The following APIP variants were observed in gnomAD, a reference collection of about 807,000 sequenced individuals.
APIP encodes the protein methylthioribulose-1-phosphate dehydratase.
In APIP, 32 loss-of-function variants were observed where a neutral mutation model predicts 32.0. That is an observed-to-expected ratio of 1.00 (90% CI 0.76 to 1.34). APIP has a LOEUF of 1.34. Among genes scored for constraint, APIP ranks in the 40% most tolerant of loss-of-function variants. The probability of loss-of-function intolerance (pLI) is 0.00; values close to 1 mark genes in which losing one functional copy is unlikely to be tolerated. For synonymous variants in APIP, 92 were observed against 94.8 expected, an observed-to-expected ratio of 0.97 and a Z score of 0.17; for missense variants, 247 against 298.6, an observed-to-expected ratio of 0.83 and a Z score of 1.27.
At chr11:34,885,995 C>T (rs144378958) in intron 5 of APIP, among the ~76,000 whole-genome samples, 174 of 152,214 alleles carry the variant, frequency 1.1e-3, no homozygotes, top group Non-Finnish European at 3.5e-4. Context: ...GTATGTAATA[C>T]GTGATGATAA....
intron 4 of APIP, 95 bp from the exon 5 acceptor site, chr11:34,888,523 T>C (rs916062953): frequency 2.0e-6 from 3 of 1,525,144 alleles, no homozygotes; most frequent in African/African-American, 2.8e-5. Context: ...TATTTACATA[T>C]GGTTATGGGC....
chr11:34,896,272 C>T (rs983152634), intron 1 of APIP, among the ~76,000 whole-genome samples: 2 of 152,166 alleles, frequency 1.3e-5, no homozygotes, highest in Non-Finnish European at 2.9e-5. Flanking sequence ...AAGACACATA[C>T]GTATGTTTAC....
chr11:34,899,234 A>T (rs1463878710), intron 1 of APIP, among the ~76,000 whole-genome samples: 1 of 151,622 alleles, frequency 6.6e-6, no homozygotes, highest in Non-Finnish European at 1.5e-5. Context: ...CATGAGGCAC[A>T]TTTTTTTTTC....
intron 5 of APIP, among the ~76,000 whole-genome samples, chr11:34,887,222 C>T (rs1341989017): frequency 6.6e-6 from 1 of 152,078 alleles, no homozygotes; most frequent in Non-Finnish European, 1.5e-5. Context: ...TGCCCTGTTC[C>T]TCTACCTTAC....
intron 1 of APIP, among the ~76,000 whole-genome samples, chr11:34,905,607 G>GT: frequency 6.6e-6 from 1 of 152,270 alleles, no homozygotes; most frequent in Non-Finnish European, 1.5e-5. Context: ...CTCAAATATT[G>GT]TAACATCATA....
chr11:34,894,267 T>A (rs1417968891), intron 2 of APIP, among the ~76,000 whole-genome samples: 2 of 152,184 alleles, frequency 1.3e-5, no homozygotes, highest in African/African-American at 4.8e-5. Flanking sequence ...GCAGGCACTA[T>A]ATTCATTAAT....
intron 1 of APIP, chr11:34,915,948 C>T (rs966253127): frequency 3.4e-5 from 19 of 556,492 alleles, no homozygotes; most frequent in Admixed American, 6.5e-5. Context: ...GGTGAGGTCA[C>T]CTAAACGCTC....
chr11:34,892,584 T>C (rs1406869670), intron 2 of APIP, among the ~76,000 whole-genome samples: 5 of 152,176 alleles, frequency 3.3e-5, no homozygotes, highest in Admixed American at 2.6e-4. Context: ...TAAATTTGAA[T>C]GATAGCGACC....
chr11:34,894,941 A>T lies in APIP; in HGVS notation c.158+69T>A. Reference sequence around the variant, plus strand: ...TGATCATCAGTTGTTCTTTGGATATAACACATTAGACTTGCTGTGGTCTAC... The same window carrying T: ...TGATCATCAGTTGTTCTTTGGATATTACACATTAGACTTGCTGTGGTCTAC... On this transcript the variant is annotated intron_variant, in intron 2 of 6. Transcript: ENST00000395787. The T allele has an allele frequency of 2.2e-6, 3 of 1,350,488 alleles. No individual in the cohort carries two copies. The South Asian group carries it at 3.5e-5, about 16-fold the overall frequency. 83.7% of individuals were successfully genotyped at this position (1,350,488 alleles called of 1,614,324 possible).
chr11:34,915,390 G>A (rs549915852), intron 1 of APIP, among the ~76,000 whole-genome samples: 3 of 152,282 alleles, frequency 2.0e-5, no homozygotes, highest in African/African-American at 7.2e-5. Flanking sequence ...GAAATCTCCC[G>A]CGAGTTACTA....
chr11:34,900,267 A>ATCAAAGGAAGGAAGGAAG (rs1203468785), intron 1 of APIP, among the ~76,000 whole-genome samples: 6 of 152,160 alleles, frequency 3.9e-5, no homozygotes, highest in African/African-American at 1.4e-4. Context: ...CCAGAGCTAA[A>ATCAAAGGAAGGAAGGAAG]GTAGGTTCCA....
At chr11:34,898,040 G>A (rs542066594) in intron 1 of APIP, among the ~76,000 whole-genome samples, 26 of 151,950 alleles carry the variant, frequency 1.7e-4, no homozygotes, top group Non-Finnish European at 3.4e-4. Context: ...ACCACTCCAC[G>A]TGTGTCCATG....
At chr11:34,898,236 AAATC>A (rs1163299454) in intron 1 of APIP, among the ~76,000 whole-genome samples, 2 of 152,104 alleles carry the variant, frequency 1.3e-5, no homozygotes, top group Non-Finnish European at 2.9e-5. Flanking sequence ...AAATCAAATC[AAATC>A]AATCAACAGG....
chr11:34,905,123 T>C (rs1305981374), intron 1 of APIP, among the ~76,000 whole-genome samples: 1 of 152,270 alleles, frequency 6.6e-6, no homozygotes, highest in Non-Finnish European at 1.5e-5. Context: ...ATCAGACAGA[T>C]AATCTCAATT....
At chr11:34,905,560 C>T (rs187082523) in intron 1 of APIP, among the ~76,000 whole-genome samples, 4 of 152,304 alleles carry the variant, frequency 2.6e-5, no homozygotes, top group East Asian at 3.9e-4. Context: ...CCTCTCTCTG[C>T]TTTAAAAGCA....
chr11:34,887,429 A>C (rs780829924), intron 5 of APIP, among the ~76,000 whole-genome samples: 2 of 152,224 alleles, frequency 1.3e-5, no homozygotes, highest in Non-Finnish European at 2.9e-5. Flanking sequence ...TTTTGTAAAC[A>C]GGTGTTTCAC....
chr11:34,901,745 C>G (rs530498589), intron 1 of APIP, among the ~76,000 whole-genome samples: 1 of 152,152 alleles, frequency 6.6e-6, no homozygotes, highest in Non-Finnish European at 1.5e-5. Context: ...CCAGGACAAA[C>G]TCTTTGTCTC....
chr11:34,904,059 A>G (rs1853405055), intron 1 of APIP, among the ~76,000 whole-genome samples: 1 of 152,206 alleles, frequency 6.6e-6, no homozygotes. Flanking sequence ...CCCAAAGAAC[A>G]GGAAGTTATC....
chr11:34,886,004 A>G (rs981833916), intron 5 of APIP, among the ~76,000 whole-genome samples: 3 of 152,214 alleles, frequency 2.0e-5, no homozygotes, highest in African/African-American at 7.2e-5. Flanking sequence ...ACGTGATGAT[A>G]ATGACTATGT....
Sources: gnomAD v4.1 joint callset for allele counts (sites outside exome capture counted in the v4.1 genomes callset) on GRCh38, gnomAD v4.1.1 for gene constraint, MANE v1.5 for transcripts, NCBI Gene and HGNC (gene_info 2026-07-23, HGNC 2026-07-21) for gene names.